The following GALNT2 variants were observed in gnomAD, a reference collection of about 807,000 sequenced individuals.
GALNT2 encodes UDP-GalNAc:polypeptide N-acetylgalactosaminyltransferase 2.
Under a neutral mutation model 81.4 loss-of-function variants are expected in GALNT2, and 31 were observed. That is an observed-to-expected ratio of 0.38 (90% CI 0.29 to 0.51). The LOEUF is 0.51. Ranked by LOEUF, GALNT2 falls within the 20% of genes least tolerant of loss-of-function variation. The pLI, the probability that GALNT2 is intolerant of heterozygous loss-of-function variation, is 0.87. For missense variants in GALNT2, 629 were observed against 765.7 expected, an observed-to-expected ratio of 0.82 and a Z score of 2.11; for synonymous variants, 303 against 287.4, an observed-to-expected ratio of 1.05 and a Z score of -0.55.
At chr1:230,230,271 C>A (rs1664830060) in intron 3 of GALNT2, among the ~76,000 whole-genome samples, 1 of 151,944 alleles carries the variant, frequency 6.6e-6, no homozygotes, top group Non-Finnish European at 1.5e-5. Flanking sequence ...GTTTGTATCT[C>A]AGGGGCAGAC....
intron 1 of GALNT2, among the ~76,000 whole-genome samples, chr1:230,125,467 A>G (rs1269931510): frequency 6.6e-6 from 1 of 152,182 alleles, no homozygotes. Context: ...GAATAAGGAG[A>G]GATGAAAGGT....
intron 1 of GALNT2, among the ~76,000 whole-genome samples, chr1:230,069,938 G>GGATCGTCT (rs1190263039): frequency 2.6e-5 from 4 of 152,280 alleles, no homozygotes; most frequent in African/African-American, 9.6e-5. Flanking sequence ...TGGGCTTTAG[G>GGATCGTCT]GATCGTCTGA....
At chr1:230,224,817 C>T (rs567239418) in intron 3 of GALNT2, among the ~76,000 whole-genome samples, 55 of 152,360 alleles carry the variant, frequency 3.6e-4, no homozygotes, top group Admixed American at 5.9e-4. Context: ...ACAGTAAATA[C>T]GATAGGCTTG....
At chr1:230,089,155 T>C (rs1210419396) in intron 1 of GALNT2, among the ~76,000 whole-genome samples, 5 of 151,604 alleles carry the variant, frequency 3.3e-5, no homozygotes, top group Non-Finnish European at 7.4e-5. Flanking sequence ...TTCTTTCTTT[T>C]TTTTTTTTTT....
intron 1 of GALNT2, among the ~76,000 whole-genome samples, chr1:230,113,804 G>A (rs1458808143): frequency 1.3e-5 from 2 of 152,284 alleles, no homozygotes; most frequent in East Asian, 3.9e-4. Context: ...GTCTTTTCGG[G>A]GAAGGGGTCA....
chr1:230,206,077 A>G (rs1172516495), intron 3 of GALNT2, among the ~76,000 whole-genome samples: 2 of 152,078 alleles, frequency 1.3e-5, no homozygotes, highest in Admixed American at 6.5e-5. Context: ...TGACATCTCC[A>G]TGAGATGGTC....
intron 1 of GALNT2, among the ~76,000 whole-genome samples, chr1:230,115,388 C>T (rs972660463): frequency 2.0e-5 from 3 of 152,136 alleles, no homozygotes; most frequent in South Asian, 2.1e-4. Flanking sequence ...AAAGCAAATA[C>T]GGCAGTAAAG....
chr1:230,176,510 C>G (rs1662984394), intron 1 of GALNT2, among the ~76,000 whole-genome samples: 1 of 152,130 alleles, frequency 6.6e-6, no homozygotes, highest in Non-Finnish European at 1.5e-5. Context: ...AATTATCAGC[C>G]ACAATGCTAC....
At chr1:230,067,174 G>C (rs1385722648), upstream of GALNT2, 1 of 579,392 alleles carries the variant, frequency 1.7e-6, no homozygotes, top group Non-Finnish European at 2.4e-6. Flanking sequence ...AGCCGCCGCC[G>C]CGCCCTTCCC....
Position 230,125,199 on chromosome 1 carries a change from C to T in GALNT2, c.127-53019C>T, listed in dbSNP as rs760819523. On this transcript the variant is annotated intron_variant, in intron 1 of 15. Transcript: ENST00000366672. ...AAAGTGAATACCAGATTAGAGAATTCATAAATGAAGATGCAATAACCCATC... is the reference window on the plus strand; with the variant it reads ...AAAGTGAATACCAGATTAGAGAATTTATAAATGAAGATGCAATAACCCATC... Among the ~76,000 whole-genome samples, 200 of 152,298 alleles carry T rather than the reference C, an allele frequency of 1.3e-3. 3 individuals are homozygous for T. Among genetic ancestry groups the T allele is most frequent in the Non-Finnish European group, 2.2e-4 (15 of 68,034 alleles).
chr1:230,176,483 G>A (rs1284105517), intron 1 of GALNT2, among the ~76,000 whole-genome samples: 1 of 152,168 alleles, frequency 6.6e-6, no homozygotes, highest in East Asian at 1.9e-4. Flanking sequence ...ATGCTGGGGT[G>A]GGGGTTGAGA....
Position 230,243,777 on chromosome 1 carries a change from C to G in GALNT2, c.729+350C>G, listed in dbSNP as rs548735069. ...CTTCGCAGAGTGCTTAGAACATTGC[C>G]CGGCACCTAGCAAGTGCCATCTCTT... On this transcript the variant is annotated intron_variant, in intron 7 of 15. Transcript: ENST00000366672. The surrounding 1 kb of genome is among the most constrained non-coding windows in gnomAD (Gnocchi z 4.2). Among the ~76,000 whole-genome samples the G allele has an allele frequency of 6.6e-6, 1 of 152,280 alleles. No homozygotes were observed. Among genetic ancestry groups the G allele is most frequent in the South Asian group, 2.1e-4 (1 of 4,828 alleles).
At chr1:230,162,233 G>T (rs1476373603) in intron 1 of GALNT2, among the ~76,000 whole-genome samples, 1 of 152,082 alleles carries the variant, frequency 6.6e-6, no homozygotes, top group Non-Finnish European at 1.5e-5. Context: ...AATTCATCTG[G>T]TCCAACACAT....
chr1:230,159,254 T>A (rs1662356992), intron 1 of GALNT2, among the ~76,000 whole-genome samples: 1 of 152,222 alleles, frequency 6.6e-6, no homozygotes, highest in Admixed American at 6.5e-5. Context: ...TGATTGCTCC[T>A]TTCTCCGCAA....
chr1:230,120,332 AGCCCTTGGAT>A (rs67628420), intron 1 of GALNT2, among the ~76,000 whole-genome samples: 43,146 of 150,272 alleles, frequency 0.29, 6,184 homozygotes, highest in African/African-American at 0.33. Flanking sequence ...TATCAGGAAC[AGCCCTTGGAT>A]GCCCTTGGAT....
intron 1 of GALNT2, among the ~76,000 whole-genome samples, chr1:230,137,183 G>A (rs1661576369): frequency 6.6e-6 from 1 of 152,240 alleles, no homozygotes; most frequent in Non-Finnish European, 1.5e-5. Flanking sequence ...TTTCACTGGA[G>A]CCTGAGTGGA....
chr1:230,226,692 TAG>T (rs1664724409), intron 3 of GALNT2, among the ~76,000 whole-genome samples: 2 of 152,208 alleles, frequency 1.3e-5, no homozygotes, highest in South Asian at 2.1e-4. Context: ...CTCCCAAAGT[TAG>T]GGGAGCCAGT....
intron 1 of GALNT2, among the ~76,000 whole-genome samples, chr1:230,154,389 T>C (rs1045235918): frequency 1.3e-5 from 2 of 152,208 alleles, no homozygotes; most frequent in Non-Finnish European, 2.9e-5. Flanking sequence ...GAAATAATCT[T>C]GAGTCAGAAG....
At chr1:230,087,233 G>A (rs1447675346) in intron 1 of GALNT2, among the ~76,000 whole-genome samples, 1 of 152,192 alleles carries the variant, frequency 6.6e-6, no homozygotes, top group Non-Finnish European at 1.5e-5. Flanking sequence ...TGGCCTGCTG[G>A]GGCATGCTTA....
Sources: gnomAD v4.1 joint callset for allele counts (sites outside exome capture counted in the v4.1 genomes callset) on GRCh38, gnomAD v4.1.1 for gene constraint, Gnocchi (gnomAD v3.1) non-coding constraint, MANE v1.5 for transcripts, NCBI Gene and HGNC (gene_info 2026-07-23, HGNC 2026-07-21) for gene names.